PTPRG: variants seen among roughly 807,000 people sequenced by gnomAD.
The protein encoded by PTPRG is protein tyrosine phosphatase receptor type G.
PTPRG carries 102 observed loss-of-function variants against 165.3 expected under a neutral mutation model. The observed-to-expected ratio is 0.62, with a 90% CI of 0.53 to 0.73. The LOEUF is 0.73. Ranked by LOEUF, PTPRG falls within the 30% of genes least tolerant of loss-of-function variation. The probability of loss-of-function intolerance (pLI) is 0.00; values close to 1 mark genes in which losing one functional copy is unlikely to be tolerated. For missense variants in PTPRG, 1,866 were observed against 1,861.4 expected (o/e 1.00, Z -0.05); for synonymous variants, 675 against 669.5 (o/e 1.01, Z -0.13).
At chr3:61,977,806 A>C (rs1046101674) in intron 2 of PTPRG, among the ~76,000 whole-genome samples, 1 of 152,230 alleles carries the variant, frequency 6.6e-6, no homozygotes, top group African/African-American at 2.4e-5. Context: ...TACTGTATGC[A>C]TGTAAAAAGG....
intron 2 of PTPRG, among the ~76,000 whole-genome samples, chr3:61,917,186 C>A (rs757338497): frequency 2.0e-5 from 3 of 152,124 alleles, no homozygotes; most frequent in East Asian, 3.9e-4. Context: ...GTTAGACGCT[C>A]GGCTCCTCAT....
intron 2 of PTPRG, among the ~76,000 whole-genome samples, chr3:61,944,239 G>T (rs937739901): frequency 1.3e-5 from 2 of 152,180 alleles, no homozygotes; most frequent in South Asian, 2.1e-4. Context: ...TTGCCCAGAT[G>T]TTCATTGGTG....
chr3:61,726,759 T>C (rs2032273934), intron 1 of PTPRG, among the ~76,000 whole-genome samples: 1 of 152,162 alleles, frequency 6.6e-6, no homozygotes, highest in Non-Finnish European at 1.5e-5. Context: ...CTTATTAAGA[T>C]TGAATTGGCC....
At chr3:62,034,020 C>A (rs1575916968) in intron 4 of PTPRG, among the ~76,000 whole-genome samples, 1 of 152,192 alleles carries the variant, frequency 6.6e-6, no homozygotes, top group Admixed American at 6.5e-5. Flanking sequence ...CCTGCCTCGG[C>A]CTTCCAAATT....
chr3:62,122,985 A>G (rs980016739), intron 5 of PTPRG, among the ~76,000 whole-genome samples: 42 of 152,316 alleles, frequency 2.8e-4, no homozygotes, highest in Admixed American at 1.2e-3. Flanking sequence ...GATTTGTTCA[A>G]TGACGTATTC....
chr3:61,830,733 C>A (rs2036263018), intron 2 of PTPRG, among the ~76,000 whole-genome samples: 1 of 152,018 alleles, frequency 6.6e-6, no homozygotes, highest in Admixed American at 6.6e-5. Context: ...CGCCACCACA[C>A]CTGGCTAATT....
intron 14 of PTPRG, 37 bp from the exon 15 acceptor site, chr3:62,243,770 A>G: frequency 1.1e-5 from 12 of 1,089,582 alleles, no homozygotes; most frequent in Non-Finnish European, 1.7e-5. Flanking sequence ...AATAAAGTAT[A>G]TTCTATTATT....
At chr3:61,620,309 T>G (rs1160091642) in intron 1 of PTPRG, among the ~76,000 whole-genome samples, 1 of 152,274 alleles carries the variant, frequency 6.6e-6, no homozygotes, top group East Asian at 1.9e-4. Context: ...TTGGCAGTAA[T>G]CTTTCAAAAA....
intron 2 of PTPRG, among the ~76,000 whole-genome samples, chr3:61,975,926 T>C (rs1042774186): frequency 1.3e-5 from 2 of 152,226 alleles, no homozygotes; most frequent in African/African-American, 4.8e-5. Context: ...TATACCCCTA[T>C]TTATTTGATG....
At chr3:62,287,594 CAT>C (rs1327903142) in intron 28 of PTPRG, among the ~76,000 whole-genome samples, 16 of 152,216 alleles carry the variant, frequency 1.1e-4, no homozygotes, top group African/African-American at 3.6e-4. Context: ...GAAGTTCTAA[CAT>C]ATGTCTAAAA....
At chr3:61,614,146 CCTCA>C (rs961869530) in intron 1 of PTPRG, among the ~76,000 whole-genome samples, 4 of 152,104 alleles carry the variant, frequency 2.6e-5, no homozygotes, top group South Asian at 2.1e-4. Flanking sequence ...GCCTGTTGTT[CCTCA>C]CTCACTCACT....
intron 4 of PTPRG, among the ~76,000 whole-genome samples, chr3:62,060,351 C>A (rs1201140655): frequency 6.6e-6 from 1 of 152,074 alleles, no homozygotes; most frequent in Non-Finnish European, 1.5e-5. Context: ...CTACTGGCTA[C>A]TGTTACACTT....
At chr3:61,878,094 G>A (rs2037793205) in intron 2 of PTPRG, among the ~76,000 whole-genome samples, 3 of 152,294 alleles carry the variant, frequency 2.0e-5, no homozygotes, top group Non-Finnish European at 2.9e-5. Context: ...TATCAGAATT[G>A]TTGTTCATAT....
rs1701437543 is a variant in PTPRG at position 62,252,288 on chromosome 3, C to T, written c.2468-2836C>T. On this transcript the variant is annotated intron_variant, in intron 15 of 29. Coordinates refer to ENST00000474889, the MANE Select transcript of PTPRG (RefSeq NM_002841.4). This position sits in a 1 kb window ranked among gnomAD's most constrained non-coding sequence, Gnocchi z 4.6. ...CATCTCCCTAATATCTGGCTGAATA[C>T]TAGGTGCTCAGAAACGGCTTCATCC... Among the ~76,000 whole-genome samples, 1 of 152,188 alleles carries T rather than the reference C, an allele frequency of 6.6e-6. No individual in the cohort carries two copies. Among genetic ancestry groups the T allele is most frequent in the African/African-American group, 2.4e-5 (1 of 41,454 alleles).
chr3:61,844,034 T>A (rs12635186), intron 2 of PTPRG, among the ~76,000 whole-genome samples: 167 of 150,374 alleles, frequency 1.1e-3, no homozygotes, highest in African/African-American at 3.8e-3. Context: ...CACAATCTCG[T>A]CTCACTGCAA....
chr3:61,569,008 C>A (rs902266595), intron 1 of PTPRG, among the ~76,000 whole-genome samples: 3 of 152,100 alleles, frequency 2.0e-5, no homozygotes, highest in African/African-American at 7.2e-5. Flanking sequence ...TTTTGGAAGC[C>A]TCCCAAACGG....
At chr3:61,813,543 C>CTGTGTGTGTGTGTGTGTGTGTGTG (rs58097355) in intron 2 of PTPRG, among the ~76,000 whole-genome samples, 2 of 116,880 alleles carry the variant, frequency 1.7e-5, no homozygotes, top group Non-Finnish European at 3.4e-5. Context: ...AAAAGAAAAT[C>CTGTGTGTGTGTGTGTGTGTGTGTG]TGTGTGTGTG....
chr3:61,960,068 T>C (rs1042323955), intron 2 of PTPRG, among the ~76,000 whole-genome samples: 3 of 152,208 alleles, frequency 2.0e-5, no homozygotes, highest in African/African-American at 7.2e-5. Flanking sequence ...CGCTGTATTC[T>C]GTAGGGTCTC....
intron 6 of PTPRG, 28 bp downstream of exon 6, chr3:62,132,696 G>A (rs765562785): frequency 1.9e-6 from 3 of 1,567,046 alleles, no homozygotes; most frequent in Admixed American, 3.3e-5. Context: ...ACTTCCTTTT[G>A]CTGGGATGTG....
Sources: allele counts gnomAD v4.1 joint callset (sites outside exome capture counted in the v4.1 genomes callset), GRCh38; gene constraint gnomAD v4.1.1; non-coding constraint Gnocchi (gnomAD v3.1); transcripts MANE v1.5; gene names NCBI Gene and HGNC (gene_info 2026-07-23, HGNC 2026-07-21).